The following LIMK2 variants were observed in gnomAD, a reference collection of about 807,000 sequenced individuals.
The protein encoded by LIMK2 is LIM domain kinase 2.
In LIMK2, 35 loss-of-function variants were observed where a neutral mutation model predicts 75.7. That is an observed-to-expected ratio of 0.46 (90% CI 0.35 to 0.61). The LOEUF is 0.61. LIMK2 is among the 20% of genes least tolerant of loss of function. The pLI, the probability that LIMK2 is intolerant of heterozygous loss-of-function variation, is 0.00. For missense variants in LIMK2, 623 were observed against 831.0 expected (o/e 0.75, Z 3.08); for synonymous variants, 301 against 319.2 (o/e 0.94, Z 0.61).
intron 11 of LIMK2, among the ~76,000 whole-genome samples, chr22:31,269,424 G>A (rs975346394): frequency 2.0e-5 from 3 of 151,206 alleles, no homozygotes; most frequent in Non-Finnish European, 2.9e-5. Flanking sequence ...CACCATGCCC[G>A]GCAGGAAAAG....
chr22:31,270,832 C>T (rs1244203512), intron 11 of LIMK2, among the ~76,000 whole-genome samples: 1 of 152,156 alleles, frequency 6.6e-6, no homozygotes. Context: ...CTGCAACGGC[C>T]AGGGTTTTCT....
intron 2 of LIMK2, among the ~76,000 whole-genome samples, chr22:31,230,479 T>C (rs1355540371): frequency 1.3e-5 from 2 of 152,160 alleles, no homozygotes; most frequent in Non-Finnish European, 1.5e-5. Context: ...GCTACCCCTA[T>C]TAGTCTTGAT....
At chr22:31,225,107 C>T (rs2048467660) in intron 1 of LIMK2, among the ~76,000 whole-genome samples, 1 of 152,138 alleles carries the variant, frequency 6.6e-6, no homozygotes, top group Non-Finnish European at 1.5e-5. Flanking sequence ...CAGTTTGATA[C>T]CAAAACCATC....
At chr22:31,221,345 T>C (rs2048431756) in intron 1 of LIMK2, among the ~76,000 whole-genome samples, 1 of 150,186 alleles carries the variant, frequency 6.7e-6, no homozygotes, top group Non-Finnish European at 1.5e-5. Context: ...CCCCCCTTTT[T>C]TGCCCCGTTA....
At position 31,213,019 on chromosome 22, in the gene LIMK2, G is replaced by A. The variant is rs772048235; in HGVS notation, c.16+595G>A. Among the ~76,000 whole-genome samples, 80 of 152,244 alleles carry A rather than the reference G, an allele frequency of 5.3e-4. 1 individual carries two copies. Among genetic ancestry groups the A allele is most frequent in the Admixed American group, 1.0e-3 (16 of 15,298 alleles). On this transcript the variant is annotated intron_variant, in intron 1 of 15. Transcript: ENST00000331728. ...AATAAGGGAGTATGGAGCCCCTTGA[G>A]GTTTAGGACAGGACTAAGGGTAAGG...
At chr22:31,213,817 C>CTTTTTTTTTTTTTT (rs71689139) in intron 1 of LIMK2, among the ~76,000 whole-genome samples, 9 of 145,336 alleles carry the variant, frequency 6.2e-5, no homozygotes, top group Non-Finnish European at 7.5e-5. Context: ...TTTCCAGTAA[C>CTTTTTTTTTTTTTT]TTTTTTTTTT....
intron 2 of LIMK2, among the ~76,000 whole-genome samples, chr22:31,234,035 CAG>C (rs1449639965): frequency 3.3e-5 from 5 of 151,916 alleles, no homozygotes; most frequent in African/African-American, 1.2e-4. Context: ...TTGTTTTAGA[CAG>C]AGTCTCACTC....
intron 4 of LIMK2, 129 bp from the exon 5 acceptor site, chr22:31,259,760 A>G (rs1000802763): frequency 2.6e-6 from 2 of 760,696 alleles, no homozygotes; most frequent in Non-Finnish European, 2.0e-6. Flanking sequence ...GCAGCCAGCT[A>G]GAATCATGAC....
chr22:31,224,263 G>C (rs150531883), intron 1 of LIMK2, among the ~76,000 whole-genome samples: 1 of 152,288 alleles, frequency 6.6e-6, no homozygotes, highest in Non-Finnish European at 1.5e-5. Context: ...GACCGACTCT[G>C]TGCTTTTGTC....
At chr22:31,248,909 G>A (rs1368721546) in intron 2 of LIMK2, 2 of 876,348 alleles carry the variant, frequency 2.3e-6, no homozygotes, top group Non-Finnish European at 3.7e-6. Flanking sequence ...TTATACCCAA[G>A]GAGAATCGGC....
At chr22:31,235,636 C>T (rs533207738) in intron 2 of LIMK2, among the ~76,000 whole-genome samples, 3 of 152,172 alleles carry the variant, frequency 2.0e-5, no homozygotes, top group African/African-American at 4.8e-5. Context: ...CAATTCCAAT[C>T]GTAAGTTTGT....
At chr22:31,251,303 C>T (rs2048723235) in intron 2 of LIMK2, among the ~76,000 whole-genome samples, 1 of 152,108 alleles carries the variant, frequency 6.6e-6, no homozygotes, top group South Asian at 2.1e-4. Context: ...AACAAATGAA[C>T]CTTTGTGTTC....
intron 2 of LIMK2, among the ~76,000 whole-genome samples, chr22:31,243,974 A>C (rs1320445720): frequency 6.6e-6 from 1 of 152,212 alleles, no homozygotes; most frequent in Non-Finnish European, 1.5e-5. Flanking sequence ...TTTGGAGGTC[A>C]AATGGATTCC....
At chr22:31,240,971 TCCTG>T (rs1251485241) in intron 2 of LIMK2, among the ~76,000 whole-genome samples, 2 of 152,246 alleles carry the variant, frequency 1.3e-5, no homozygotes, top group African/African-American at 2.4e-5. Flanking sequence ...TAGTGATCTA[TCCTG>T]CCTGCCTCTG....
rs58321713 is a variant in LIMK2 at position 31,214,281 on chromosome 22, G to C, written c.16+1857G>C. 3.9e-4 allele frequency among the ~76,000 whole-genome samples: 59 copies of C among 152,290 alleles called. 3 individuals carry two copies. In the East Asian group the frequency reaches 0.011, roughly 28 times the overall value. On this transcript the variant is annotated intron_variant, in intron 1 of 15. Transcript: ENST00000331728. ...TTCTTTCATTCAAAGAATATTTGTT[G>C]GATTCTTCTGTGTCATATACTTAGC...
At chr22:31,277,725 T>C (rs955789800) in intron 15 of LIMK2, 11 of 174,620 alleles carry the variant, frequency 6.3e-5, no homozygotes, top group Admixed American at 1.9e-4. Context: ...TCATAGAACA[T>C]AGATTCTAGC....
chr22:31,249,443 G>A (rs1274547895), intron 2 of LIMK2, among the ~76,000 whole-genome samples: 2 of 152,064 alleles, frequency 1.3e-5, no homozygotes, highest in Admixed American at 6.5e-5. Context: ...GTACCTCCAC[G>A]AGCCTCTCTC....
At chr22:31,268,292 T>C (rs181333704) in intron 11 of LIMK2, 92 bp downstream of exon 11, 9 of 1,038,834 alleles carry the variant, frequency 8.7e-6, no homozygotes, top group Admixed American at 1.7e-5. Flanking sequence ...CCCCTTCCTA[T>C]GCAACTTGTG....
At chr22:31,269,030 G>T (rs887126151) in intron 11 of LIMK2, among the ~76,000 whole-genome samples, 3 of 110,370 alleles carry the variant, frequency 2.7e-5, no homozygotes, top group Non-Finnish European at 4.3e-5. Flanking sequence ...TGGCTTTTTG[G>T]TTTTTTTGTT....
Sources: allele counts gnomAD v4.1 joint callset (sites outside exome capture counted in the v4.1 genomes callset), GRCh38; gene constraint gnomAD v4.1.1; transcripts MANE v1.5; gene names NCBI Gene and HGNC (gene_info 2026-07-23, HGNC 2026-07-21).